The following MB21D2 variants were observed in gnomAD, a reference collection of about 807,000 sequenced individuals.
MB21D2 encodes nucleotidyltransferase MB21D2.
A neutral mutation model predicts 33.3 loss-of-function variants in MB21D2; 9 were observed. The ratio of observed to expected loss-of-function variants is 0.27; its 90% CI spans 0.16 to 0.47. The LOEUF (loss-of-function observed/expected upper bound fraction) is 0.47. Among genes scored for constraint, MB21D2 ranks in the 20% least tolerant of loss-of-function variants. MB21D2 has a pLI of 0.99. For missense variants in MB21D2, 540 were observed against 624.6 expected (o/e 0.86, Z 1.44); for synonymous variants, 241 against 236.3 (o/e 1.02, Z -0.18).
chr3:192,892,901 A>G (rs1713882377), intron 1 of MB21D2, among the ~76,000 whole-genome samples: 1 of 152,162 alleles, frequency 6.6e-6, no homozygotes, highest in Non-Finnish European at 1.5e-5. Context: ...TGTATTAGAC[A>G]CCTCTGAACC....
In MB21D2 at chr3:192,798,773, A is replaced by G. The variant is rs1434125499; in HGVS notation, c.1089T>C (p.Asp363=). The G allele has an allele frequency of 3.7e-6, 6 of 1,613,240 alleles. No individual in the cohort carries two copies. Among genetic ancestry groups the G allele is most frequent in the Admixed American group, 3.3e-5 (2 of 60,034 alleles). The change falls in exon 2 of 2, where the codon GAT becomes GAC. Residue 363 remains aspartate (D), a synonymous_variant. Coordinates refer to ENST00000392452, the MANE Select transcript of MB21D2 (RefSeq NM_178496.4). The surrounding 1 kb of genome is among the most constrained non-coding windows in gnomAD (Gnocchi z 4.8). The part of the protein sequence containing the change: ...YAAHFLLGLI[D]DLQHCLVNKM... ...TGTTGACCAGACAGTGTTGCAGGTC[A>G]TCGATGAGGCCCAGCAAAAAGTGGG... is the stretch of plus-strand genomic sequence containing the variant.
chr3:192,871,863 T>C (rs949493902), intron 1 of MB21D2, among the ~76,000 whole-genome samples: 1 of 152,062 alleles, frequency 6.6e-6, no homozygotes, highest in African/African-American at 2.4e-5. Context: ...GGGAAATTAC[T>C]TGGACTCTCC....
chr3:192,889,452 G>T (rs1577197584), intron 1 of MB21D2, among the ~76,000 whole-genome samples: 1 of 152,004 alleles, frequency 6.6e-6, no homozygotes, highest in South Asian at 2.1e-4. Flanking sequence ...CTCTAACTTT[G>T]CAATTAATAC....
chr3:192,872,842 G>A (rs1713339500), intron 1 of MB21D2, among the ~76,000 whole-genome samples: 1 of 152,104 alleles, frequency 6.6e-6, no homozygotes, highest in Non-Finnish European at 1.5e-5. Context: ...CCCCAGACAA[G>A]GTTTCATTCA....
chr3:192,890,699 C>T (rs1023373315), intron 1 of MB21D2, among the ~76,000 whole-genome samples: 6 of 151,912 alleles, frequency 3.9e-5, no homozygotes, highest in Non-Finnish European at 5.9e-5. Flanking sequence ...AGTGATTGTG[C>T]TATCTGGTTA....
intron 1 of MB21D2, among the ~76,000 whole-genome samples, chr3:192,834,481 C>G (rs1465170517): frequency 6.6e-6 from 1 of 151,556 alleles, no homozygotes; most frequent in Non-Finnish European, 1.5e-5. Context: ...TTTTCTCATC[C>G]CCATTCCACT....
intron 1 of MB21D2, among the ~76,000 whole-genome samples, chr3:192,896,557 C>T (rs1038020647): frequency 1.6e-4 from 25 of 152,208 alleles, no homozygotes; most frequent in Admixed American, 3.3e-4. Flanking sequence ...TGATGCCTAC[C>T]CTCCCTTCCA....
intron 1 of MB21D2, among the ~76,000 whole-genome samples, chr3:192,821,230 T>C (rs748583833): frequency 2.0e-4 from 31 of 152,198 alleles, no homozygotes; most frequent in Non-Finnish European, 3.1e-4. Flanking sequence ...TTAATCTTTA[T>C]AATGCCCTCT....
chr3:192,867,433 T>A (rs754635689), intron 1 of MB21D2, among the ~76,000 whole-genome samples: 1 of 152,194 alleles, frequency 6.6e-6, no homozygotes, highest in South Asian at 2.1e-4. Flanking sequence ...CACCCCACTA[T>A]GTACCTCCAT....
At chr3:192,828,525 G>A (rs1252938237) in intron 1 of MB21D2, among the ~76,000 whole-genome samples, 2 of 142,486 alleles carry the variant, frequency 1.4e-5, no homozygotes, top group Non-Finnish European at 3.0e-5. Context: ...ATTTGGACAG[G>A]TTGATATATT....
intron 1 of MB21D2, among the ~76,000 whole-genome samples, chr3:192,814,395 G>C (rs1711865166): frequency 6.6e-6 from 1 of 152,070 alleles, no homozygotes; most frequent in African/African-American, 2.4e-5. Flanking sequence ...TCAGTATCTG[G>C]GTAAAAACAT....
chr3:192,814,909 A>AT (rs11458042), intron 1 of MB21D2, among the ~76,000 whole-genome samples: 10,457 of 151,968 alleles, frequency 0.069, 1,226 homozygotes, highest in African/African-American at 0.24. Flanking sequence ...GATGAGTCTC[A>AT]TAATGCTGAC....
At chr3:192,857,158 A>C (rs1712935251) in intron 1 of MB21D2, among the ~76,000 whole-genome samples, 1 of 152,250 alleles carries the variant, frequency 6.6e-6, no homozygotes, top group Admixed American at 6.5e-5. Flanking sequence ...TGATATTCTA[A>C]CTGCCTAATC....
intron 1 of MB21D2, among the ~76,000 whole-genome samples, chr3:192,841,365 T>C (rs1475795812): frequency 6.6e-6 from 1 of 152,244 alleles, no homozygotes; most frequent in Non-Finnish European, 1.5e-5. Context: ...TAGCAGTCAG[T>C]GTAACAAATA....
At chr3:192,821,902 TCTCTTC>T (rs1322494101) in intron 1 of MB21D2, among the ~76,000 whole-genome samples, 1 of 152,068 alleles carries the variant, frequency 6.6e-6, no homozygotes, top group African/African-American at 2.4e-5. Flanking sequence ...TCAATTTTTT[TCTCTTC>T]CTCTTCCTTT....
chr3:192,799,279 C>A lies in MB21D2; in HGVS notation c.583G>T (p.Val195Phe). 6.2e-7 allele frequency: 1 copy of A among 1,614,234 alleles called. No individual in the cohort carries two copies. Among genetic ancestry groups the A allele is most frequent in the Non-Finnish European group, 8.5e-7 (1 of 1,180,044 alleles). ...ADWFYDSISI[V>F]LSEIQKKPQR... ...GGTTTCTTCTGTATTTCTGATAGGACAATGCTGATAGAGTCATAGAACCAG... is the reference window on the plus strand; with the variant it reads ...GGTTTCTTCTGTATTTCTGATAGGAAAATGCTGATAGAGTCATAGAACCAG... Residue 195 changes from valine (V) to phenylalanine (F), a missense_variant, in exon 2 of 2, where the codon GTC becomes TTC. Transcript: ENST00000392452. The surrounding 1 kb of genome is among the most constrained non-coding windows in gnomAD (Gnocchi z 4.1).
intron 1 of MB21D2, among the ~76,000 whole-genome samples, chr3:192,869,555 C>T (rs945081959): frequency 6.6e-6 from 1 of 152,212 alleles, no homozygotes; most frequent in Non-Finnish European, 1.5e-5. Flanking sequence ...ATGTGTCTGA[C>T]TCAACCCAGG....
At chr3:192,870,699 G>GAAAAAAAAAA (rs57320648) in intron 1 of MB21D2, among the ~76,000 whole-genome samples, 1,707 of 41,450 alleles carry the variant, frequency 0.041, 218 homozygotes, top group Non-Finnish European at 0.051. Flanking sequence ...CGACTCCGTT[G>GAAAAAAAAAA]AAAAAAAAAA....
rs574626109 is a variant in MB21D2 at position 192,798,570 on chromosome 3, C to T, written c.1292G>A (p.Arg431Gln). 3.1e-5 allele frequency: 50 copies of T among 1,614,160 alleles called. No homozygotes were observed. The highest frequency in any genetic ancestry group is 1.3e-4 in the African/African-American group (10 of 75,038). ...AGAGGGGATGCTGGTGGTGCTACCT[C>T]GCCTCTGGAGCTCCAGTGTCAGCCG... is the stretch of plus-strand genomic sequence containing the variant. The part of the protein sequence containing the change: ...ANRLTLELQR[R>Q]GSTTSIPSPQ... Residue 431 changes from arginine to glutamine, a missense_variant, in exon 2 of 2, where the codon CGA becomes CAA. Coordinates refer to ENST00000392452, the MANE Select transcript of MB21D2 (RefSeq NM_178496.4). This position sits in a 1 kb window ranked among gnomAD's most constrained non-coding sequence, Gnocchi z 4.8.
Sources: allele counts gnomAD v4.1 joint callset (sites outside exome capture counted in the v4.1 genomes callset), GRCh38; gene constraint gnomAD v4.1.1; non-coding constraint Gnocchi (gnomAD v3.1); transcripts MANE v1.5; gene names NCBI Gene and HGNC (gene_info 2026-07-23, HGNC 2026-07-21).